NDFIP2: variants seen among roughly 807,000 people sequenced by gnomAD.
NDFIP2 encodes Nedd4 family interacting protein 2.
In NDFIP2, 19 loss-of-function variants were observed where a neutral mutation model predicts 36.0. The ratio of observed to expected loss-of-function variants is 0.53; its 90% CI spans 0.37 to 0.77. The LOEUF (loss-of-function observed/expected upper bound fraction) is 0.77, where lower values mean the gene tolerates loss of function less well. Ranked by LOEUF, NDFIP2 falls within the 30% of genes least tolerant of loss-of-function variation. NDFIP2 has a pLI of 0.00. For missense variants in NDFIP2, 446 were observed against 435.8 expected, an observed-to-expected ratio of 1.02 and a Z score of -0.21; for synonymous variants, 181 against 167.7, an observed-to-expected ratio of 1.08 and a Z score of -0.61.
chr13:79,483,950 A>G (rs1594836911), intron 1 of NDFIP2, among the ~76,000 whole-genome samples: 1 of 152,202 alleles, frequency 6.6e-6, no homozygotes, highest in Non-Finnish European at 1.5e-5. Context: ...ACTATGACGA[A>G]GTTGACTTGG....
intron 5 of NDFIP2, 142 bp downstream of exon 5, chr13:79,543,824 T>G: frequency 9.7e-7 from 1 of 1,033,356 alleles, no homozygotes; most frequent in East Asian, 2.6e-5. Context: ...TTAATCATTA[T>G]AGTGAGCTCT....
chr13:79,492,457 G>A (rs1438380039), intron 1 of NDFIP2, among the ~76,000 whole-genome samples: 1 of 152,018 alleles, frequency 6.6e-6, no homozygotes, highest in East Asian at 1.9e-4. Context: ...AGGCTGGAGT[G>A]CAGTCTGGTG....
intron 2 of NDFIP2, among the ~76,000 whole-genome samples, chr13:79,525,915 C>G (rs1874776809): frequency 6.6e-6 from 1 of 152,178 alleles, no homozygotes; most frequent in Non-Finnish European, 1.5e-5. Context: ...TGTCTTTAAG[C>G]TAGGCCATCT....
chr13:79,486,086 T>C (rs1289760089), intron 1 of NDFIP2, among the ~76,000 whole-genome samples: 2 of 152,304 alleles, frequency 1.3e-5, no homozygotes, highest in African/African-American at 4.8e-5. Context: ...TTCATGCACA[T>C]ATAGTCACGT....
rs1207542710 is a variant in NDFIP2, at chr13:79,543,523, G to A, written c.716-35G>A. 10 of 1,611,030 alleles carry A rather than the reference G, an allele frequency of 6.2e-6. No homozygotes were observed. In the African/African-American group the frequency reaches 6.7e-5, roughly 11 times the overall value. On this transcript the variant is annotated intron_variant, in intron 4 of 7. Coordinates refer to ENST00000218652, the MANE Select transcript of NDFIP2 (RefSeq NM_019080.3). ...GTCTATGTTAATTTGTTTCCAAATT[G>A]TGGTTTATAAAAGAACGGTTTCTGT...
chr13:79,524,956 A>C (rs770982088), intron 2 of NDFIP2, among the ~76,000 whole-genome samples: 4 of 152,184 alleles, frequency 2.6e-5, no homozygotes, highest in Non-Finnish European at 4.4e-5. Flanking sequence ...AGAAGAGCCC[A>C]GTTTCATCAC....
intron 1 of NDFIP2, among the ~76,000 whole-genome samples, chr13:79,482,079 A>G (rs1361759400): frequency 6.6e-6 from 1 of 151,772 alleles, no homozygotes; most frequent in East Asian, 1.9e-4. Flanking sequence ...TCTGCTCGTT[A>G]ACCTTGTCAT....
In NDFIP2 at chr13:79,507,430, CG is replaced by C. The variant is rs1244258845; in HGVS notation, c.322-13379del. ...CTGGGACTACAGGCGCCCGCCACTA[CG>C]CCCGGCTAATTTTTTTGTATTTTTA... On this transcript the variant is annotated intron_variant, in intron 1 of 7. Transcript: ENST00000218652. Among the ~76,000 whole-genome samples the C allele has an allele frequency of 4.6e-5, 3 of 64,848 alleles. 1 individual carries two copies. The South Asian group carries it at 1.3e-3, about 29-fold the overall frequency. 42.5% of individuals were successfully genotyped at this position (64,848 alleles called of 152,430 possible). A position where few individuals can be genotyped will look rare whatever the true frequency, so the allele number is the denominator to read the frequency against.
At chr13:79,539,796 A>G (rs1306987374) in intron 4 of NDFIP2, 21 bp downstream of exon 4, 2 of 1,604,736 alleles carry the variant, frequency 1.2e-6, no homozygotes, top group Non-Finnish European at 1.7e-6. Flanking sequence ...TTCCTAAACT[A>G]TTTTGGGTTG....
rs192024181 is a variant in NDFIP2, at chr13:79,537,100, T to G, written c.622-2582T>G. ...CTTTTGATAAAATTTCTGTATTGAT[T>G]TTTTGGTGGTGGTTGTTTTGTTTTT... On this transcript the variant is annotated intron_variant, in intron 3 of 7. Coordinates refer to ENST00000218652, the MANE Select transcript of NDFIP2 (RefSeq NM_019080.3). Among the ~76,000 whole-genome samples the G allele has an allele frequency of 2.1e-3, 320 of 152,116 alleles. 2 individuals are homozygous for G. The highest frequency in any genetic ancestry group is 7.4e-3 in the African/African-American group (306 of 41,494).
chr13:79,505,994 G>A (rs1007615731), intron 1 of NDFIP2, among the ~76,000 whole-genome samples: 1 of 152,126 alleles, frequency 6.6e-6, no homozygotes, highest in Admixed American at 6.6e-5. Flanking sequence ...TTTTTGAATG[G>A]TTGTAGAATC....
intron 1 of NDFIP2, among the ~76,000 whole-genome samples, chr13:79,506,351 A>G (rs1873867804): frequency 6.6e-6 from 1 of 152,168 alleles, no homozygotes; most frequent in South Asian, 2.1e-4. Flanking sequence ...CTTCTTTAAC[A>G]TCTTTTCATG....
At chr13:79,529,156 C>T (rs900796424) in intron 2 of NDFIP2, among the ~76,000 whole-genome samples, 1 of 152,158 alleles carries the variant, frequency 6.6e-6, no homozygotes, top group East Asian at 1.9e-4. Context: ...AAGTGATTAG[C>T]TTGAGGTCAC....
chr13:79,502,214 C>T (rs1873694458), intron 1 of NDFIP2, among the ~76,000 whole-genome samples: 3 of 152,096 alleles, frequency 2.0e-5, no homozygotes, highest in Non-Finnish European at 4.4e-5. Context: ...ATTTAGATTT[C>T]CTGACATCAA....
intron 1 of NDFIP2, among the ~76,000 whole-genome samples, chr13:79,514,980 T>C (rs1013664153): frequency 2.0e-5 from 3 of 152,216 alleles, no homozygotes; most frequent in African/African-American, 7.2e-5. Flanking sequence ...CATGTGTGGC[T>C]GAACAATGGG....
intron 2 of NDFIP2, among the ~76,000 whole-genome samples, chr13:79,523,893 C>G (rs376806827): frequency 2.2e-4 from 34 of 152,162 alleles, no homozygotes; most frequent in Non-Finnish European, 4.3e-4. Flanking sequence ...GGTTATTTTG[C>G]TGAAACCTTT....
At chr13:79,493,113 C>T in intron 1 of NDFIP2, among the ~76,000 whole-genome samples, 1 of 152,084 alleles carries the variant, frequency 6.6e-6, no homozygotes, top group East Asian at 1.9e-4. Flanking sequence ...CAGTGGGAAG[C>T]AGGGCTTAGA....
intron 1 of NDFIP2, among the ~76,000 whole-genome samples, chr13:79,488,411 T>C (rs1873101842): frequency 6.6e-6 from 1 of 152,078 alleles, no homozygotes; most frequent in Admixed American, 6.6e-5. Flanking sequence ...TACAAATGAG[T>C]ACACACCTGA....
At chr13:79,515,355 T>G (rs1316087502) in intron 1 of NDFIP2, among the ~76,000 whole-genome samples, 1 of 152,232 alleles carries the variant, frequency 6.6e-6, no homozygotes, top group Non-Finnish European at 1.5e-5. Flanking sequence ...CTGTGTTATA[T>G]TATAAAATTT....
Sources: allele counts gnomAD v4.1 joint callset (sites outside exome capture counted in the v4.1 genomes callset), GRCh38; gene constraint gnomAD v4.1.1; transcripts MANE v1.5; gene names NCBI Gene and HGNC (gene_info 2026-07-23, HGNC 2026-07-21).